The following ESCO1 variants were observed in gnomAD, a reference collection of about 807,000 sequenced individuals.
ESCO1 encodes N-acetyltransferase ESCO1.
ESCO1 carries 33 observed loss-of-function variants against 83.5 expected under a neutral mutation model. That is an observed-to-expected ratio of 0.40 (90% CI 0.30 to 0.53). The LOEUF (loss-of-function observed/expected upper bound fraction) is 0.53, where lower values mean the gene tolerates loss of function less well. Ranked by LOEUF, ESCO1 falls within the 20% of genes least tolerant of loss-of-function variation. The pLI is 0.63. For missense variants in ESCO1, 855 were observed against 968.0 expected (o/e 0.88, Z 1.55); for synonymous variants, 332 against 324.3 (o/e 1.02, Z -0.25).
chr18:21,588,519 G>A (rs2038614970), intron 1 of ESCO1, among the ~76,000 whole-genome samples: 1 of 151,506 alleles, frequency 6.6e-6, no homozygotes, highest in African/African-American at 2.4e-5. Flanking sequence ...ACTGACTACA[G>A]ACCTAAAATG....
chr18:21,573,490 G>C lies in ESCO1; in HGVS notation c.1354C>G (p.Gln452Glu), dbSNP rs1259782717. ...KLHDRNITCQ[Q>E]EKMKEINSEE... The stretch of plus-strand genomic sequence containing the variant: ...GAATTAATTTCTTTCATTTTTTCCT[G>C]CTGGCAAGTTATATTTCTATCATGT... The change falls in exon 4 of 12, where the codon CAG becomes GAG. Residue 452 changes from glutamine to glutamate, a missense_variant. By Grantham distance (29) the Gln-to-Glu change is conservative. This residue lies in a region of ESCO1 where 726 missense variants were observed against 699.5 expected (regional missense o/e 1.04). Transcript: ENST00000269214. 6.2e-7 allele frequency: 1 copy of C among 1,610,392 alleles called. No individual in the cohort carries two copies. Among genetic ancestry groups the C allele is most frequent in the Non-Finnish European group, 8.5e-7 (1 of 1,179,142 alleles).
At chr18:21,540,474 G>A in intron 8 of ESCO1, 5 of 951,678 alleles carry the variant, frequency 5.3e-6, no homozygotes, top group Non-Finnish European at 6.4e-6. Context: ...GGTTTTAAAT[G>A]AACTGATTTG....
intron 8 of ESCO1, among the ~76,000 whole-genome samples, chr18:21,549,107 A>T (rs1169000424): frequency 6.6e-6 from 1 of 152,186 alleles, no homozygotes; most frequent in African/African-American, 2.4e-5. Context: ...GAATCATTTG[A>T]TACAACTTGC....
intron 8 of ESCO1, among the ~76,000 whole-genome samples, chr18:21,548,616 T>C (rs1320757074): frequency 1.3e-5 from 2 of 151,162 alleles, no homozygotes; most frequent in African/African-American, 2.4e-5. Context: ...CAGGCCAACA[T>C]AGCAATATCC....
Position 21,568,110 on chromosome 18 carries a change from T to C in ESCO1, c.1531-16A>G. On this transcript the variant is annotated splice_polypyrimidine_tract_variant and intron_variant, in intron 4 of 11. Coordinates refer to ENST00000269214, the MANE Select transcript of ESCO1 (RefSeq NM_052911.3). Reference sequence around the variant, plus strand: ...GGCTGAAATTCTGAACACATATAATTCAAAATTTTTACATCAACTTTGGGT... The same window carrying C: ...GGCTGAAATTCTGAACACATATAATCCAAAATTTTTACATCAACTTTGGGT... The C allele has an allele frequency of 6.3e-7, 1 of 1,576,516 alleles. No individual in the cohort carries two copies.
At chr18:21,559,730 A>G (rs2038158690) in intron 8 of ESCO1, among the ~76,000 whole-genome samples, 1 of 152,230 alleles carries the variant, frequency 6.6e-6, no homozygotes, top group Admixed American at 6.5e-5. Context: ...AGTCAAATTG[A>G]AAAAGTACAA....
At position 21,560,791 on chromosome 18, in the gene ESCO1, C is replaced by T. The variant is rs1031670376; in HGVS notation, c.1953+68G>A. 2.6e-6 allele frequency: 4 copies of T among 1,555,562 alleles called. No homozygotes were observed. In the African/African-American group the frequency reaches 4.2e-5, roughly 16 times the overall value. ...TTTTTCAGTGATTTAAATTTGGCAA[C>T]TCATCTCATTAAGAGACCGACCTAA... On this transcript the variant is annotated intron_variant, in intron 8 of 11. Transcript: ENST00000269214.
At chr18:21,568,189 C>G in intron 4 of ESCO1, 95 bp from the exon 5 acceptor site, 1 of 900,114 alleles carries the variant, frequency 1.1e-6, no homozygotes, top group Non-Finnish European at 1.7e-6. Context: ...ATTTAACATA[C>G]TTTTTATTTG....
At chr18:21,579,427 A>C (rs988626705) in intron 2 of ESCO1, among the ~76,000 whole-genome samples, 7 of 150,938 alleles carry the variant, frequency 4.6e-5, no homozygotes, top group African/African-American at 1.7e-4. Flanking sequence ...ATACCACTGC[A>C]CTCCAGACTG....
At chr18:21,570,805 G>A (rs35924188) in intron 4 of ESCO1, among the ~76,000 whole-genome samples, 73,392 of 151,794 alleles carry the variant, frequency 0.48, 21,168 homozygotes, top group Non-Finnish European at 0.65. Context: ...GTGAAACCCC[G>A]TCTCTACTAA....
intron 8 of ESCO1, among the ~76,000 whole-genome samples, chr18:21,544,641 AAAG>A (rs2037949037): frequency 6.6e-6 from 1 of 152,040 alleles, no homozygotes; most frequent in African/African-American, 2.4e-5. Flanking sequence ...AAAAAAAAAA[AAAG>A]AAGTACATAC....
intron 10 of ESCO1, among the ~76,000 whole-genome samples, chr18:21,534,630 GC>G (rs1310008835): frequency 6.7e-6 from 1 of 150,206 alleles, no homozygotes; most frequent in African/African-American, 2.4e-5. Flanking sequence ...CCAGGTGTGG[GC>G]CTTTTTTTTT....
chr18:21,567,460 C>T (rs967271284), intron 5 of ESCO1, among the ~76,000 whole-genome samples: 1 of 151,740 alleles, frequency 6.6e-6, no homozygotes, highest in Non-Finnish European at 1.5e-5. Flanking sequence ...CCACCACGAC[C>T]GGCCCAAATA....
At chr18:21,583,430 G>A (rs192057835) in intron 2 of ESCO1, among the ~76,000 whole-genome samples, 193 of 152,216 alleles carry the variant, frequency 1.3e-3, no homozygotes, top group African/African-American at 4.5e-3. Flanking sequence ...GATCACGTGA[G>A]GTCAGGGGCC....
chr18:21,559,919 G>A (rs927809598), intron 8 of ESCO1, among the ~76,000 whole-genome samples: 5 of 152,020 alleles, frequency 3.3e-5, no homozygotes, highest in Non-Finnish European at 7.4e-5. Context: ...GAAGTAGCTG[G>A]ATGAATGAAA....
rs765286649 is a variant in ESCO1 at position 21,560,863 on chromosome 18, T to A, written c.1949A>T (p.Tyr650Phe). 6.2e-7 allele frequency: 1 copy of A among 1,602,374 alleles called. No homozygotes were observed. The highest frequency in any genetic ancestry group is 8.5e-7 in the Non-Finnish European group (1 of 1,177,078). ...FHNQFISAVK[Y>F]VGWKKERILA... is the part of the protein sequence containing the mutation. ...GAATTCACAAATTCCACTTACCACA[T>A]ATTTAACAGCACTTATAAACTGGTT... The change falls in exon 8 of 12, where the codon TAT becomes TTT. Residue 650 changes from tyrosine to phenylalanine, a missense_variant. Around this residue, in one of 2 missense-constraint regions of ESCO1, gnomAD observed 129 missense variants for 268.5 expected, o/e 0.48. Transcript: ENST00000269214.
intron 1 of ESCO1, among the ~76,000 whole-genome samples, chr18:21,594,346 T>C (rs1196100413): frequency 6.6e-6 from 1 of 152,192 alleles, no homozygotes; most frequent in Non-Finnish European, 1.5e-5. Flanking sequence ...CAAAGCCTAG[T>C]GTTTGGTGAT....
intron 8 of ESCO1, among the ~76,000 whole-genome samples, chr18:21,552,510 T>C (rs942174533): frequency 1.3e-5 from 2 of 152,218 alleles, no homozygotes; most frequent in Non-Finnish European, 2.9e-5. Context: ...TCTGCAACAA[T>C]TGTAAGTTTC....
chr18:21,587,991 A>G (rs942075067), intron 1 of ESCO1, among the ~76,000 whole-genome samples: 1 of 151,526 alleles, frequency 6.6e-6, no homozygotes, highest in African/African-American at 2.4e-5. Context: ...CAGGAGGCTC[A>G]TGTGAGAGGA....
Sources: gnomAD v4.1 joint callset for allele counts (sites outside exome capture counted in the v4.1 genomes callset) on GRCh38, gnomAD v4.1.1 for gene constraint, gnomAD v4.1.1 regional missense constraint, MANE v1.5 for transcripts, NCBI Gene and HGNC (gene_info 2026-07-23, HGNC 2026-07-21) for gene names.